Variants in IPO5 observed in about 807,000 individuals in gnomAD.
The protein encoded by IPO5 is importin-5.
IPO5 carries 18 observed loss-of-function variants against 143.3 expected under a neutral mutation model. The observed-to-expected ratio is 0.13, with a 90% CI of 0.09 to 0.19. The LOEUF is 0.19. Ranked by LOEUF, IPO5 falls within the 10% of genes least tolerant of loss-of-function variation. IPO5 has a pLI of 1.00. For synonymous variants in IPO5, 477 were observed against 465.7 expected (o/e 1.02, Z -0.31); for missense variants, 1,013 against 1,336.9 (o/e 0.76, Z 3.78).
chr13:98,000,421 C>T (rs957298518), intron 12 of IPO5, 118 bp from the exon 13 acceptor site: 112 of 648,670 alleles, frequency 1.7e-4, no homozygotes, highest in Non-Finnish European at 4.1e-5. Flanking sequence ...TTAAAGACAG[C>T]TTGAATTCTT....
At chr13:98,019,462 C>T (rs1890339038) in intron 26 of IPO5, 119 bp from the exon 27 acceptor site, 1 of 728,026 alleles carries the variant, frequency 1.4e-6, no homozygotes, top group Non-Finnish European at 2.3e-6. Flanking sequence ...ACAACACTTC[C>T]CATACACTTT....
In IPO5 at chr13:98,016,783, T is replaced by C; in HGVS notation, c.2548T>C (p.Phe850Leu). 6.4e-7 allele frequency: 1 copy of C among 1,563,836 alleles called. No homozygotes were observed. Among genetic ancestry groups the C allele is most frequent in the South Asian group, 1.2e-5 (1 of 85,032 alleles). ...AGTGTCAGATATTTTACACTCAATA[T>C]TCAGTAGCTACAAAGAAAAGGTGTT... is the stretch of plus-strand genomic sequence containing the variant. ...TKVSDILHSI[F>L]SSYKEKVLPW... Residue 850 changes from phenylalanine (F) to leucine (L), a missense_variant, in exon 25 of 29, where the codon TTC becomes CTC. Physicochemically the swap from Phe to Leu is conservative, Grantham distance 22 (BLOSUM62 0). Around this residue, in one of 2 missense-constraint regions of IPO5, gnomAD observed 685 missense variants for 994.9 expected, o/e 0.69. Coordinates refer to ENST00000651721, the MANE Select transcript of IPO5 (RefSeq NM_002271.6).
chr13:98,021,890 T>C lies in IPO5; in HGVS notation c.*68T>C. 8.6e-7 allele frequency: 1 copy of C among 1,163,404 alleles called. No individual in the cohort carries two copies. Among genetic ancestry groups the C allele is most frequent in the Non-Finnish European group, 1.3e-6 (1 of 797,894 alleles). 72.1% of individuals were successfully genotyped at this position (1,163,404 alleles called of 1,614,324 possible). On this transcript the variant is annotated 3_prime_UTR_variant, in exon 29 of 29. Transcript: ENST00000651721. ...CGCTTACCCTTTCCTTTAGGTTTCT[T>C]TGTTTTGTTTTTGAGCAAAAGAGAT...
intron 22 of IPO5, 76 bp downstream of exon 22, chr13:98,014,290 A>T (rs1036130885): frequency 3.1e-5 from 37 of 1,186,634 alleles, no homozygotes; most frequent in Non-Finnish European, 3.9e-5. Context: ...TAAAAAAAAA[A>T]AATTTGAGAC....
intron 2 of IPO5, among the ~76,000 whole-genome samples, chr13:97,956,316 A>G (rs908544901): frequency 6.6e-6 from 1 of 152,208 alleles, no homozygotes; most frequent in Non-Finnish European, 1.5e-5. Flanking sequence ...TTATCCCTCA[A>G]ACACAGAAAG....
intron 2 of IPO5, among the ~76,000 whole-genome samples, chr13:97,962,379 C>A (rs2139498072): frequency 6.6e-6 from 1 of 152,194 alleles, no homozygotes; most frequent in African/African-American, 2.4e-5. Context: ...GTCTATGATC[C>A]ACTTTGAAGT....
chr13:98,000,468 ATGTC>A, intron 12 of IPO5, 67 bp from the exon 13 acceptor site: 1 of 938,086 alleles, frequency 1.1e-6, no homozygotes, highest in Admixed American at 1.7e-5. Context: ...GGTTAGAAGT[ATGTC>A]TGTAGAGTAT....
intron 3 of IPO5, among the ~76,000 whole-genome samples, chr13:97,974,252 T>G (rs1886070783): frequency 6.6e-6 from 1 of 151,998 alleles, no homozygotes; most frequent in African/African-American, 2.4e-5. Context: ...CTCTAAGCAA[T>G]TTATCATATT....
intron 11 of IPO5, 42 bp from the exon 12 acceptor site, chr13:97,997,487 GAT>G: frequency 9.1e-7 from 1 of 1,101,174 alleles, no homozygotes; most frequent in Non-Finnish European, 1.4e-6. Flanking sequence ...ATATGGATAA[GAT>G]AAAGTCACAG....
Position 98,018,577 on chromosome 13 carries a change from A to C in IPO5, c.2709A>C (p.Ala903=), listed in dbSNP as rs2296092. ...EHCSPASFKY[A]EYFLRPMLQY... ...GTAGTCCAGCCTCATTTAAATACGCAGAATATTTCTTAAGACCAATGCTCC... is the reference window on the plus strand; with the variant it reads ...GTAGTCCAGCCTCATTTAAATACGCCGAATATTTCTTAAGACCAATGCTCC... The change falls in exon 26 of 29, where the codon GCA becomes GCC. Residue 903 remains alanine, a synonymous_variant. Transcript: ENST00000651721. 4,990 of 1,614,114 alleles carry C rather than the reference A, an allele frequency of 3.1e-3. 191 individuals carry two copies. In the East Asian group the frequency reaches 0.079, roughly 25 times the overall value.
intron 3 of IPO5, among the ~76,000 whole-genome samples, chr13:97,971,813 G>A (rs1885849943): frequency 6.6e-6 from 1 of 152,130 alleles, no homozygotes; most frequent in African/African-American, 2.4e-5. Flanking sequence ...GTAATTACTT[G>A]TTTAAGGTCA....
At position 98,002,518 on chromosome 13, in the gene IPO5, A is replaced by G. The variant is rs1566537194; in HGVS notation, c.1160A>G (p.Glu387Gly). Reference protein sequence around the residue: ...AGLMALSAIGEGCHQQMEGIL... With the variant: ...AGLMALSAIGGGCHQQMEGIL... ...TTGATGGCCTTATCTGCCATTGGTG[A>G]AGGGTGCCACCAGCAAATGGAAGGA... Residue 387 changes from glutamate to glycine, a missense_variant, in exon 14 of 29, where the codon GAA (glutamate) becomes GGA (glycine). Physicochemically the swap from Glu to Gly is moderately conservative, Grantham distance 98 (BLOSUM62 -2). This residue lies in a region of IPO5 where 685 missense variants were observed against 994.9 expected (regional missense o/e 0.69). Transcript: ENST00000651721. 1 of 1,613,908 alleles carries G rather than the reference A, an allele frequency of 6.2e-7. No homozygotes were observed. The highest frequency in any genetic ancestry group is 1.1e-5 in the South Asian group (1 of 91,044).
At chr13:98,008,974 A>G (rs1444872810) in intron 18 of IPO5, among the ~76,000 whole-genome samples, 1 of 152,220 alleles carries the variant, frequency 6.6e-6, no homozygotes, top group African/African-American at 2.4e-5. Flanking sequence ...ATGATATGCA[A>G]ATATACATGT....
intron 3 of IPO5, among the ~76,000 whole-genome samples, chr13:97,973,038 CTTTTTTTT>C (rs34572861): frequency 1.3e-5 from 1 of 76,366 alleles, no homozygotes; most frequent in South Asian, 4.9e-4. Flanking sequence ...CTTTTATCTT[CTTTTTTTT>C]TTTTTTTTTT....
At chr13:97,976,808 G>C (rs373829902) in intron 4 of IPO5, 22 bp downstream of exon 4, 2 of 1,173,122 alleles carry the variant, frequency 1.7e-6, no homozygotes, top group South Asian at 1.4e-5. Context: ...CGCCGCCCCA[G>C]TCTTCGCGCC....
intron 2 of IPO5, among the ~76,000 whole-genome samples, chr13:97,961,270 T>C (rs1884859898): frequency 6.6e-6 from 1 of 152,260 alleles, no homozygotes; most frequent in Non-Finnish European, 1.5e-5. Flanking sequence ...CTGTGGTGAA[T>C]AATGTTGCCA....
intron 4 of IPO5, chr13:97,981,286 A>G (rs1270924189): frequency 2.2e-6 from 1 of 455,728 alleles, no homozygotes; most frequent in South Asian, 1.6e-5. Context: ...CACTGCATAA[A>G]TAGAACTGGT....
Position 97,998,265 on chromosome 13 carries a change from G to A in IPO5, c.1001+647G>A, listed in dbSNP as rs148012942. Among the ~76,000 whole-genome samples the A allele has an allele frequency of 4.9e-4, 75 of 152,294 alleles. No homozygotes were observed. In the East Asian group the frequency reaches 0.012, roughly 24 times the overall value. On this transcript the variant is annotated intron_variant, in intron 12 of 28. Transcript: ENST00000651721. ...GCTGGGATTACAGGCGTGAGCCACC[G>A]CACCTGGCCAAGTATCTATGTTTTT...
intron 3 of IPO5, among the ~76,000 whole-genome samples, chr13:97,974,356 G>A (rs1290986053): frequency 6.6e-6 from 1 of 150,594 alleles, no homozygotes; most frequent in Non-Finnish European, 1.5e-5. Flanking sequence ...ACCCAGGCTG[G>A]AGTGCAATGG....
Sources: allele counts gnomAD v4.1 joint callset (sites outside exome capture counted in the v4.1 genomes callset), GRCh38; gene constraint gnomAD v4.1.1; regional missense constraint gnomAD v4.1.1; transcripts MANE v1.5; gene names NCBI Gene and HGNC (gene_info 2026-07-23, HGNC 2026-07-21).